ARB2A: variants seen among roughly 807,000 people sequenced by gnomAD.
ARB2A encodes the protein cotranscriptional regulator ARB2A.
At chr5:93,770,173 T>A in the ARB2A span, among the ~76,000 whole-genome samples, 1 of 152,128 alleles carries the variant, frequency 6.6e-6, no homozygotes, top group South Asian at 2.1e-4. Context: ...CAATAAAAGG[T>A]TAAGGTTGTT....
chr5:93,939,879 T>C, the ARB2A span, among the ~76,000 whole-genome samples: 1 of 152,068 alleles, frequency 6.6e-6, no homozygotes, highest in South Asian at 2.1e-4. Flanking sequence ...CATTTCTGCA[T>C]GGCAGTCCTA....
the ARB2A span, among the ~76,000 whole-genome samples, chr5:93,821,712 C>G: frequency 1.3e-5 from 2 of 151,804 alleles, no homozygotes; most frequent in Non-Finnish European, 2.9e-5. Context: ...TTTTAGAAAG[C>G]CTTTCAAACA....
the ARB2A span, among the ~76,000 whole-genome samples, chr5:94,105,351 C>G: frequency 6.6e-6 from 1 of 152,010 alleles, no homozygotes; most frequent in Non-Finnish European, 1.5e-5. Flanking sequence ...AACGTCCAAG[C>G]TGAGAGCCAA....
At chr5:93,824,313 T>C in the ARB2A span, 1 of 1,371,890 alleles carries the variant, frequency 7.3e-7, no homozygotes, top group Non-Finnish European at 9.8e-7. Context: ...TACCTAATTA[T>C]TATCATAGCA....
chr5:94,044,482 G>A, the ARB2A span, among the ~76,000 whole-genome samples: 1 of 151,918 alleles, frequency 6.6e-6, no homozygotes, highest in Non-Finnish European at 1.5e-5. Context: ...GAATATCATC[G>A]CCCCTATTCA....
the ARB2A span, chr5:93,740,212 C>CTT: frequency 5.9e-6 from 1 of 169,890 alleles, no homozygotes; most frequent in Non-Finnish European, 1.3e-5. Context: ...GAGTTTTTCA[C>CTT]TTAGTATTGT....
the ARB2A span, among the ~76,000 whole-genome samples, chr5:93,652,242 C>T: frequency 2.0e-5 from 3 of 152,118 alleles, no homozygotes; most frequent in African/African-American, 7.2e-5. Context: ...TCAATTTTCT[C>T]CTGGTTTTTC....
chr5:94,021,096 G>T, the ARB2A span, among the ~76,000 whole-genome samples: 1 of 151,982 alleles, frequency 6.6e-6, no homozygotes, highest in Non-Finnish European at 1.5e-5. Flanking sequence ...AATTCAAACT[G>T]CCTCCACGAC....
chr5:94,064,805 A>T, the ARB2A span, among the ~76,000 whole-genome samples: 1 of 152,242 alleles, frequency 6.6e-6, no homozygotes, highest in Non-Finnish European at 1.5e-5. Context: ...AGAATTCATC[A>T]CTACTAGACC....
chr5:93,976,228 TA>T, the ARB2A span, among the ~76,000 whole-genome samples: 1 of 152,132 alleles, frequency 6.6e-6, no homozygotes, highest in Non-Finnish European at 1.5e-5. Context: ...TCCTTCATGA[TA>T]AAAACCCTCA....
chr5:93,766,010 T>C, the ARB2A span, among the ~76,000 whole-genome samples: 1 of 152,136 alleles, frequency 6.6e-6, no homozygotes, highest in African/African-American at 2.4e-5. Context: ...ATTGGATCCA[T>C]TCCTTACACC....
chr5:93,620,288 G>A, the ARB2A span: 3 of 151,520 alleles, frequency 2.0e-5, no homozygotes, highest in African/African-American at 7.3e-5. Flanking sequence ...CAATTAGCTG[G>A]CAAAAGGATT....
At chr5:93,899,633 C>T in the ARB2A span, among the ~76,000 whole-genome samples, 1 of 152,176 alleles carries the variant, frequency 6.6e-6, no homozygotes, top group Admixed American at 6.5e-5. Flanking sequence ...TATAAAGTTA[C>T]TTAAGAGATT....
the ARB2A span, among the ~76,000 whole-genome samples, chr5:94,076,205 G>T: frequency 6.6e-6 from 1 of 151,818 alleles, no homozygotes; most frequent in African/African-American, 2.4e-5. Context: ...TAGTACAGAA[G>T]GTATATATAG....
chr5:93,947,825 G>A, the ARB2A span, among the ~76,000 whole-genome samples: 9 of 151,134 alleles, frequency 6.0e-5, no homozygotes, highest in African/African-American at 1.5e-4. Context: ...TTTCATCCAC[G>A]TCCCTACAAA....
At chr5:93,800,381 T>TCA in the ARB2A span, among the ~76,000 whole-genome samples, 12,802 of 140,948 alleles carry the variant, frequency 0.091, 741 homozygotes, top group African/African-American at 0.17. Context: ...CTGCATATTT[T>TCA]CACACACACA....
the ARB2A span, among the ~76,000 whole-genome samples, chr5:93,893,558 C>G: frequency 6.6e-6 from 1 of 152,126 alleles, no homozygotes; most frequent in African/African-American, 2.4e-5. Context: ...ATTTCACATG[C>G]TATTTGCCAC....
chr5:93,697,723 A>G, the ARB2A span, among the ~76,000 whole-genome samples: 2 of 152,162 alleles, frequency 1.3e-5, no homozygotes, highest in Non-Finnish European at 2.9e-5. Flanking sequence ...TTACGAGCGC[A>G]ATGTTGTGTT....
chr5:93,663,846 T>C, the ARB2A span, among the ~76,000 whole-genome samples: 1 of 152,220 alleles, frequency 6.6e-6, no homozygotes, highest in East Asian at 1.9e-4. Flanking sequence ...TATTATATCT[T>C]TTTGGCCAAG....
Sources: gnomAD v4.1 joint callset for allele counts (sites outside exome capture counted in the v4.1 genomes callset) on GRCh38, gnomAD v4.1.1 for gene constraint, MANE v1.5 for transcripts, NCBI Gene and HGNC (gene_info 2026-07-23, HGNC 2026-07-21) for gene names.